Variants in WDFY3 observed in about 807,000 individuals in gnomAD.
WDFY3 encodes WD repeat and FYVE domain-containing protein 3.
In WDFY3, 66 loss-of-function variants were observed where a neutral mutation model predicts 409.6. The ratio of observed to expected loss-of-function variants is 0.16; its 90% CI spans 0.13 to 0.20. WDFY3 has a LOEUF of 0.20. Among genes scored for constraint, WDFY3 ranks in the 10% least tolerant of loss-of-function variants. The pLI, the probability that WDFY3 is intolerant of heterozygous loss-of-function variation, is 1.00. For synonymous variants in WDFY3, 1,521 were observed against 1,537.1 expected (o/e 0.99, Z 0.25); for missense variants, 3,031 against 4,298.1 (o/e 0.71, Z 8.24).
intron 67 of WDFY3, among the ~76,000 whole-genome samples, chr4:84,675,039 C>T (rs866239836): frequency 2.0e-5 from 3 of 151,540 alleles, no homozygotes; most frequent in Admixed American, 6.6e-5. Flanking sequence ...GGCGTGATCT[C>T]GGGTCACTGC....
At position 84,677,240 on chromosome 4, in the gene WDFY3, T is replaced by C. The variant is rs761139351; in HGVS notation, c.10416A>G (p.Arg3472=). 1 of 1,614,110 alleles carries C rather than the reference T, an allele frequency of 6.2e-7. No individual in the cohort carries two copies. The highest frequency in any genetic ancestry group is 8.5e-7 in the Non-Finnish European group (1 of 1,180,036). ...GCSVRFSLTE[R]RHHCRNCGQL... The stretch of plus-strand genomic sequence containing the variant: ...GACCACAGTTCCTGCAATGGTGTCG[T>C]CTTTCTGTGAGTGAAAACCTCACCG... The change falls in exon 67 of 68, where the codon AGA becomes AGG. Residue 3472 remains arginine, a synonymous_variant. Transcript: ENST00000295888.
chr4:84,901,213 C>T (rs374862321), intron 2 of WDFY3, among the ~76,000 whole-genome samples: 3 of 152,182 alleles, frequency 2.0e-5, no homozygotes, highest in African/African-American at 7.2e-5. Context: ...ATGCCATCTG[C>T]TATGGTTTGA....
At position 84,677,341 on chromosome 4, in the gene WDFY3, C is replaced by T; in HGVS notation, c.10315G>A (p.Val3439Met). The change falls in exon 67 of 68, where the codon GTG (valine) becomes ATG (methionine). Residue 3439 changes from valine to methionine, a missense_variant. Physicochemically the swap from Val to Met is conservative, Grantham distance 21 (BLOSUM62 1). Transcript: ENST00000295888. The stretch of plus-strand genomic sequence containing the variant: ...GCAGAACGGCCTGGCTGGTCACTCA[C>T]AGACCAGCTGAAAACTCGGCCTCGA... ...DSRGRVFSWSVSDQPGRSAAD... is the reference protein window; with the variant it reads ...DSRGRVFSWSMSDQPGRSAAD... The T allele has an allele frequency of 1.2e-6, 2 of 1,614,146 alleles. No homozygotes were observed. Among genetic ancestry groups the T allele is most frequent in the East Asian group, 2.2e-5 (1 of 44,870 alleles).
At chr4:84,848,546 G>C (rs1464425661) in intron 5 of WDFY3, among the ~76,000 whole-genome samples, 3 of 152,180 alleles carry the variant, frequency 2.0e-5, no homozygotes, top group Admixed American at 2.0e-4. Context: ...CAGGCAATTA[G>C]TAGCTTCTAA....
At chr4:84,935,695 C>T (rs1771318906) in intron 1 of WDFY3, among the ~76,000 whole-genome samples, 1 of 152,140 alleles carries the variant, frequency 6.6e-6, no homozygotes, top group South Asian at 2.1e-4. Context: ...AAACTGGCAA[C>T]AGCAAGTTAG....
chr4:84,795,438 CA>C (rs972842465), intron 19 of WDFY3, among the ~76,000 whole-genome samples: 2 of 152,132 alleles, frequency 1.3e-5, no homozygotes, highest in African/African-American at 4.8e-5. Flanking sequence ...AAGAATCCCA[CA>C]AACAACTAGT....
intron 4 of WDFY3, among the ~76,000 whole-genome samples, chr4:84,854,726 T>C (rs138925203): frequency 1.3e-5 from 2 of 152,290 alleles, no homozygotes; most frequent in African/African-American, 4.8e-5. Context: ...CTGGCCAACA[T>C]GGTGAAACCC....
chr4:84,678,485 G>A lies in WDFY3; in HGVS notation c.10148-206C>T, dbSNP rs115481221. Among the ~76,000 whole-genome samples, 499 of 152,332 alleles carry A rather than the reference G, an allele frequency of 3.3e-3. 1 individual carries two copies. The Middle Eastern group carries it at 0.034, about 10-fold the overall frequency. ...ATGGGCCAGGCTGGAGAAACATCTC[G>A]TTGAAGGAGACAAACTAATGAGAAG... On this transcript the variant is annotated intron_variant, in intron 65 of 67. Transcript: ENST00000295888.
At chr4:84,925,774 G>C (rs1255855043) in intron 2 of WDFY3, among the ~76,000 whole-genome samples, 2 of 152,000 alleles carry the variant, frequency 1.3e-5, no homozygotes, top group African/African-American at 2.4e-5. Context: ...GTTTTTAAGA[G>C]TGAAATGTCA....
intron 12 of WDFY3, among the ~76,000 whole-genome samples, chr4:84,818,114 A>C (rs1229956663): frequency 6.6e-6 from 1 of 152,188 alleles, no homozygotes. Flanking sequence ...TTACTGCTCC[A>C]AAGCCTTTAC....
At chr4:84,689,719 C>G (rs1728934006) in intron 61 of WDFY3, among the ~76,000 whole-genome samples, 1 of 152,124 alleles carries the variant, frequency 6.6e-6, no homozygotes, top group Non-Finnish European at 1.5e-5. Flanking sequence ...CCACTCTAAC[C>G]TGTGTCTTTT....
intron 44 of WDFY3, among the ~76,000 whole-genome samples, chr4:84,728,517 T>C (rs1736037821): frequency 6.6e-6 from 1 of 151,994 alleles, no homozygotes. Context: ...AACAGAGCGA[T>C]AACTTGTCTT....
At chr4:84,707,135 G>A (rs1290162163) in intron 53 of WDFY3, among the ~76,000 whole-genome samples, 2 of 151,836 alleles carry the variant, frequency 1.3e-5, no homozygotes, top group Non-Finnish European at 2.9e-5. Context: ...TTGCCATGTT[G>A]ACCAGGCTGG....
intron 43 of WDFY3, among the ~76,000 whole-genome samples, chr4:84,734,675 G>A (rs1310276240): frequency 1.3e-5 from 2 of 152,118 alleles, no homozygotes; most frequent in Admixed American, 6.5e-5. Context: ...AGACTTCTCA[G>A]AGACTTGGAT....
At chr4:84,860,752 T>A in intron 3 of WDFY3, 130 bp from the exon 4 acceptor site, 1 of 884,762 alleles carries the variant, frequency 1.1e-6, no homozygotes, top group Non-Finnish European at 1.5e-6. Flanking sequence ...TCTACTTCTT[T>A]AAACAGAAAA....
Position 84,724,435 on chromosome 4 carries a change from T to C in WDFY3, c.7432A>G (p.Lys2478Glu), listed in dbSNP as rs761142404. ...AAAAAGGCAGGCTGACCTTTGACTT[T>C]AGCAATAGTGTCTTCCCCATGCTCT... ...EPEHGEDTIAKVKGLVKPPLK... is the reference protein window; with the variant it reads ...EPEHGEDTIAEVKGLVKPPLK... The change falls in exon 46 of 68, where the codon AAA becomes GAA. Residue 2478 changes from lysine to glutamate, a missense_variant. Coordinates refer to ENST00000295888, the MANE Select transcript of WDFY3 (RefSeq NM_014991.6). 1.9e-6 allele frequency: 3 copies of C among 1,607,010 alleles called. No homozygotes were observed. The East Asian group carries it at 6.7e-5, about 36-fold the overall frequency.
intron 3 of WDFY3, among the ~76,000 whole-genome samples, chr4:84,865,547 AAAATCTTG>A (rs1761266209): frequency 6.6e-6 from 1 of 152,202 alleles, no homozygotes; most frequent in Non-Finnish European, 1.5e-5. Context: ...GCCTTCGGCA[AAAATCTTG>A]TTAGGTCAGT....
intron 2 of WDFY3, among the ~76,000 whole-genome samples, chr4:84,912,282 G>A (rs1767899532): frequency 6.6e-6 from 1 of 152,106 alleles, no homozygotes; most frequent in African/African-American, 2.4e-5. Flanking sequence ...TACAGCTGCC[G>A]ACTATTTCAA....
At chr4:84,840,598 T>G (rs1438620063) in intron 6 of WDFY3, among the ~76,000 whole-genome samples, 1 of 152,098 alleles carries the variant, frequency 6.6e-6, no homozygotes, top group Non-Finnish European at 1.5e-5. Flanking sequence ...TAATTTTTTT[T>G]TAGAGACAGG....
Sources: gnomAD v4.1 joint callset for allele counts (sites outside exome capture counted in the v4.1 genomes callset) on GRCh38, gnomAD v4.1.1 for gene constraint, MANE v1.5 for transcripts, NCBI Gene and HGNC (gene_info 2026-07-23, HGNC 2026-07-21) for gene names.